Variants in ULK1 observed in about 807,000 individuals in gnomAD.
The protein encoded by ULK1 is serine/threonine-protein kinase ULK1.
A neutral mutation model predicts 117.5 loss-of-function variants in ULK1; 48 were observed. The observed-to-expected ratio is 0.41, with a 90% CI of 0.32 to 0.52. The LOEUF is 0.52. Ranked by LOEUF, ULK1 falls within the 20% of genes least tolerant of loss-of-function variation. ULK1 has a pLI of 0.29. For synonymous variants in ULK1, 790 were observed against 637.8 expected (o/e 1.24, Z -3.60); for missense variants, 1,387 against 1,473.4 (o/e 0.94, Z 0.96).
At position 131,910,707 on chromosome 12, in the gene ULK1, C is replaced by T; in HGVS notation, c.860-5C>T. The T allele has an allele frequency of 1.2e-6, 2 of 1,613,096 alleles. No homozygotes were observed. Among genetic ancestry groups the T allele is most frequent in the East Asian group, 2.2e-5 (1 of 44,874 alleles). ...CCCAGACTGACCTATGCATGTTTATCTCAGCCCCACCCGTGCCTGTGCCCT... is the reference window on the plus strand; with the variant it reads ...CCCAGACTGACCTATGCATGTTTATTTCAGCCCCACCCGTGCCTGTGCCCT... On this transcript the variant is annotated splice_region_variant and splice_polypyrimidine_tract_variant and intron_variant, in intron 11 of 27. Transcript: ENST00000321867.
chr12:131,908,504 C>T, intron 5 of ULK1, 140 bp from the exon 6 acceptor site: 1 of 1,093,354 alleles, frequency 9.1e-7, no homozygotes, highest in Non-Finnish European at 1.2e-6. Flanking sequence ...GCTTGTGCCC[C>T]TCCTGACCCG....
Position 131,909,804 on chromosome 12 carries a change from C to A in ULK1, c.696C>A (p.Phe232Leu). 13 of 1,611,356 alleles carry A rather than the reference C, an allele frequency of 8.1e-6. No homozygotes were observed. The highest frequency in any genetic ancestry group is 1.1e-5 in the Non-Finnish European group (13 of 1,179,390). ...QASSPQDLRL[F>L]YEKNKTLVPT... The stretch of plus-strand genomic sequence containing the variant: ...GCAGCCCCCAGGACCTGCGCCTGTT[C>A]TACGAGAAGAACAAGACGTTGGTCC... Residue 232 changes from phenylalanine to leucine, a missense_variant, in exon 9 of 28, where the codon TTC becomes TTA. Physicochemically the swap from Phe to Leu is conservative, Grantham distance 22 (BLOSUM62 0). Coordinates refer to ENST00000321867, the MANE Select transcript of ULK1 (RefSeq NM_003565.4).
intron 20 of ULK1, 150 bp from the exon 21 acceptor site, chr12:131,916,803 G>A (rs931946321): frequency 1.2e-5 from 11 of 954,734 alleles, no homozygotes; most frequent in African/African-American, 6.7e-5. Flanking sequence ...CGCCATGCCC[G>A]CCTGTAAGCT....
chr12:131,895,512 C>A, intron 1 of ULK1, 89 bp from the exon 2 acceptor site: 1 of 1,107,916 alleles, frequency 9.0e-7, no homozygotes, highest in East Asian at 2.5e-5. Flanking sequence ...CAACCGGGAT[C>A]ATCTCAGGGC....
chr12:131,906,847 C>T, intron 3 of ULK1, 45 bp from the exon 4 acceptor site: 1 of 1,613,330 alleles, frequency 6.2e-7, no homozygotes, highest in Non-Finnish European at 8.5e-7. Flanking sequence ...TGCAGTGGGG[C>T]CCGGTGGCAC....
chr12:131,914,421 G>A lies in ULK1; in HGVS notation c.1317G>A (p.Gln439=), dbSNP rs200666304. The A allele has an allele frequency of 2.5e-6, 4 of 1,612,780 alleles. No individual in the cohort carries two copies. Among genetic ancestry groups the A allele is most frequent in the Non-Finnish European group, 3.4e-6 (4 of 1,179,982 alleles). The part of the protein sequence containing the change: ...SVPIPVPTQV[Q]NYQRIERNLQ... ...CCATCCCAGTCCCCACGCAGGTGCA[G>A]AACTACCAGCGCATTGAGCGAAACC... Residue 439 remains glutamine, a synonymous_variant, in exon 16 of 28, where the codon CAG becomes CAA. Coordinates refer to ENST00000321867, the MANE Select transcript of ULK1 (RefSeq NM_003565.4).
chr12:131,913,860 G>T, intron 15 of ULK1, 24 bp downstream of exon 15: 1 of 1,490,576 alleles, frequency 6.7e-7, no homozygotes, highest in Middle Eastern at 1.8e-4. Flanking sequence ...CAGGCTGGGT[G>T]GATGGGGCTG....
In ULK1 at chr12:131,915,990, T is replaced by A; in HGVS notation, c.1709T>A (p.Leu570Gln). The A allele has an allele frequency of 6.2e-7, 1 of 1,612,200 alleles. No homozygotes were observed. ...LSDLHVVRPK[L>Q]PKPPTDPLGA... ...GACTTGCACGTCGTCCGCCCCAAGCTGCCCAAACCCCCCACGGACCCCCTG... is the reference window on the plus strand; with the variant it reads ...GACTTGCACGTCGTCCGCCCCAAGCAGCCCAAACCCCCCACGGACCCCCTG... Residue 570 changes from leucine to glutamine, a missense_variant, in exon 19 of 28, where the codon CTG becomes CAG. Physicochemically the swap from Leu to Gln is moderately radical, Grantham distance 113 (BLOSUM62 -2). Coordinates refer to ENST00000321867, the MANE Select transcript of ULK1 (RefSeq NM_003565.4).
chr12:131,907,050 A>G (rs61942430), intron 4 of ULK1, 126 bp downstream of exon 4: 5 of 1,314,622 alleles, frequency 3.8e-6, no homozygotes, highest in Non-Finnish European at 5.4e-6. Flanking sequence ...ATGGAGTCTC[A>G]CTGTCGCCCA....
At position 131,908,795 on chromosome 12, in the gene ULK1, C is replaced by A; in HGVS notation, c.468C>A (p.Pro156=). 6.2e-7 allele frequency: 1 copy of A among 1,607,594 alleles called. No homozygotes were observed. ...LSNPAGRRAN[P]NSIRVKIADF... ...ACCCCGCCGGCCGCCGCGCCAACCC[C>A]AACAGCATCCGCGTCAAGATCGGTC... Residue 156 remains proline (P), a synonymous_variant, in exon 6 of 28, where the codon CCC becomes CCA. Transcript: ENST00000321867.
chr12:131,918,227 G>C (rs373679614), intron 22 of ULK1: 1 of 542,910 alleles, frequency 1.8e-6, no homozygotes, highest in Non-Finnish European at 3.3e-6. Flanking sequence ...TGGGCTGGGG[G>C]TCGGGATACC....
rs369863440 is a variant in ULK1, at chr12:131,917,333, G to C, written c.2183-78G>C. ...GGAGCTCGGAGGCCGTGGGATGGGG[G>C]TCGGGTTCGGCTCGGAGGCTGTGGG... On this transcript the variant is annotated intron_variant, in intron 21 of 27. Coordinates refer to ENST00000321867, the MANE Select transcript of ULK1 (RefSeq NM_003565.4). 3.5e-5 allele frequency: 35 copies of C among 987,572 alleles called. No homozygotes were observed. The East Asian group carries it at 5.5e-4, about 16-fold the overall frequency. 61.2% of individuals were successfully genotyped at this position (987,572 alleles called of 1,614,324 possible).
At chr12:131,911,857 C>A in intron 12 of ULK1, 85 bp from the exon 13 acceptor site, 1 of 1,599,978 alleles carries the variant, frequency 6.3e-7, no homozygotes. Context: ...TACTGGGGCT[C>A]TGGGCCATCC....
At chr12:131,920,212 T>G (rs2136415381) in intron 26 of ULK1, 76 bp downstream of exon 26, 1 of 1,543,610 alleles carries the variant, frequency 6.5e-7, no homozygotes, top group South Asian at 1.2e-5. Context: ...GACGGGACCT[T>G]GATGCCCACA....
chr12:131,916,438 A>G lies in ULK1; in HGVS notation c.1919A>G (p.Gln640Arg). 1.2e-6 allele frequency: 2 copies of G among 1,607,272 alleles called. No individual in the cohort carries two copies. Among genetic ancestry groups the G allele is most frequent in the Non-Finnish European group, 1.7e-6 (2 of 1,177,614 alleles). ...GACTTCCCGAAGACCCCCAGCTCCC[A>G]GAACCTGCTGGCCCTCCTAGCCCGG... ...SFDFPKTPSS[Q>R]NLLALLARQG... The change falls in exon 20 of 28, where the codon CAG (glutamine) becomes CGG (arginine). Residue 640 changes from glutamine (Q) to arginine (R), a missense_variant. Gln to Arg is a conservative substitution (Grantham distance 43). Coordinates refer to ENST00000321867, the MANE Select transcript of ULK1 (RefSeq NM_003565.4).
At chr12:131,914,178 GGTGTGT>G (rs1889670110) in intron 15 of ULK1, among the ~76,000 whole-genome samples, 168 bp from the exon 16 acceptor site, 1 of 152,212 alleles carries the variant, frequency 6.6e-6, no homozygotes, top group Non-Finnish European at 1.5e-5. Flanking sequence ...CCACATTTCT[GGTGTGT>G]GTAGAGGCAT....
chr12:131,913,874 A>G, intron 15 of ULK1, 38 bp downstream of exon 15: 1 of 1,457,476 alleles, frequency 6.9e-7, no homozygotes, highest in South Asian at 1.4e-5. Context: ...GGGGCTGTGA[A>G]CAGTCCCCCG....
At position 131,903,438 on chromosome 12, in the gene ULK1, G is replaced by C. The variant is rs1889161007; in HGVS notation, c.247-3454G>C. On this transcript the variant is annotated intron_variant, in intron 3 of 27. Transcript: ENST00000321867. This position sits in a 1 kb window ranked among gnomAD's most constrained non-coding sequence, Gnocchi z 6.0. Reference sequence around the variant, plus strand: ...CTGGGGCCTCAGTGTGCTCGTATGGGAAGTGGGCTGGTTATGGCCTGCTGC... The same window carrying C: ...CTGGGGCCTCAGTGTGCTCGTATGGCAAGTGGGCTGGTTATGGCCTGCTGC... 2.0e-5 allele frequency among the ~76,000 whole-genome samples: 3 copies of C among 152,180 alleles called. No individual in the cohort carries two copies. The highest frequency in any genetic ancestry group is 1.3e-4 in the Admixed American group (2 of 15,286).
intron 22 of ULK1, 75 bp from the exon 23 acceptor site, chr12:131,918,422 G>A: frequency 1.3e-6 from 2 of 1,501,896 alleles, no homozygotes; most frequent in Non-Finnish European, 1.8e-6. Flanking sequence ...TGGAGGTGTG[G>A]GAGTCTGTGG....
Sources: allele counts gnomAD v4.1 joint callset (sites outside exome capture counted in the v4.1 genomes callset), GRCh38; gene constraint gnomAD v4.1.1; non-coding constraint Gnocchi (gnomAD v3.1); transcripts MANE v1.5; gene names NCBI Gene and HGNC (gene_info 2026-07-23, HGNC 2026-07-21).